The following AFF3 variants were observed in gnomAD, a reference collection of about 807,000 sequenced individuals.
The protein encoded by AFF3 is AF4/FMR2 family member 3.
Under a neutral mutation model 129.7 loss-of-function variants are expected in AFF3, and 32 were observed. The observed-to-expected ratio is 0.25, with a 90% CI of 0.19 to 0.33. AFF3 has a LOEUF of 0.33. Ranked by LOEUF, AFF3 falls within the 10% of genes least tolerant of loss-of-function variation. AFF3 has a pLI of 1.00. For missense variants in AFF3, 1,373 were observed against 1,592.0 expected, an observed-to-expected ratio of 0.86 and a Z score of 2.34; for synonymous variants, 644 against 635.4, an observed-to-expected ratio of 1.01 and a Z score of -0.20.
chr2:99,916,935 T>C (rs1214887546), intron 7 of AFF3, among the ~76,000 whole-genome samples: 1 of 152,100 alleles, frequency 6.6e-6, no homozygotes, highest in Non-Finnish European at 1.5e-5. Context: ...CTTGGTGAGC[T>C]AGGATTGCCA....
intron 7 of AFF3, among the ~76,000 whole-genome samples, chr2:99,909,394 G>A (rs1694962096): frequency 8.4e-6 from 1 of 119,294 alleles, no homozygotes; most frequent in African/African-American, 3.2e-5. Flanking sequence ...GCTAAATGAT[G>A]AGTTACTGGA....
chr2:99,878,546 T>A (rs1057400428), intron 7 of AFF3, among the ~76,000 whole-genome samples: 1 of 152,196 alleles, frequency 6.6e-6, no homozygotes, highest in Non-Finnish European at 1.5e-5. Flanking sequence ...GGGAAAAAAA[T>A]TTCAGGTTTC....
intron 8 of AFF3, among the ~76,000 whole-genome samples, chr2:99,753,343 G>A (rs192242076): frequency 6.2e-4 from 95 of 152,198 alleles, no homozygotes; most frequent in African/African-American, 1.9e-3. Flanking sequence ...CGGGTGACCC[G>A]CCCACCTTGG....
At chr2:99,756,397 C>T (rs976025380) in intron 8 of AFF3, among the ~76,000 whole-genome samples, 3 of 152,250 alleles carry the variant, frequency 2.0e-5, no homozygotes, top group Admixed American at 1.3e-4. Flanking sequence ...GTGACCCTGC[C>T]TCCTATGGCA....
intron 7 of AFF3, among the ~76,000 whole-genome samples, chr2:99,946,186 G>T (rs1049277139): frequency 6.6e-6 from 1 of 152,072 alleles, no homozygotes; most frequent in South Asian, 2.1e-4. Context: ...AAAAGATGGG[G>T]ATGGGACAGG....
intron 1 of AFF3, among the ~76,000 whole-genome samples, chr2:100,135,658 GT>G (rs1274303082): frequency 6.6e-5 from 10 of 152,220 alleles, no homozygotes; most frequent in African/African-American, 2.4e-4. Context: ...GCGGAAGGTT[GT>G]TTTGAGCCAC....
intron 12 of AFF3, among the ~76,000 whole-genome samples, chr2:99,658,829 C>T (rs1019337381): frequency 2.0e-5 from 3 of 152,050 alleles, no homozygotes; most frequent in African/African-American, 4.8e-5. Context: ...TGAACTGTGG[C>T]AGTTTCAGTG....
At chr2:99,960,711 A>G (rs1205008824) in intron 7 of AFF3, among the ~76,000 whole-genome samples, 1 of 152,260 alleles carries the variant, frequency 6.6e-6, no homozygotes, top group African/African-American at 2.4e-5. Flanking sequence ...ACTAGCTAGG[A>G]CAGGGGTCCT....
At chr2:99,922,128 T>C (rs1389534503) in intron 7 of AFF3, among the ~76,000 whole-genome samples, 1 of 152,188 alleles carries the variant, frequency 6.6e-6, no homozygotes, top group African/African-American at 2.4e-5. Flanking sequence ...TGACTAAGTA[T>C]GTAAGATGGC....
At chr2:99,965,699 T>C (rs1334512541) in intron 7 of AFF3, among the ~76,000 whole-genome samples, 1 of 152,234 alleles carries the variant, frequency 6.6e-6, no homozygotes, top group Admixed American at 6.5e-5. Flanking sequence ...TCTCAAGAGT[T>C]TGGTGGCAAA....
intron 4 of AFF3, among the ~76,000 whole-genome samples, chr2:100,033,559 C>T (rs752951214): frequency 6.6e-6 from 1 of 152,120 alleles, no homozygotes; most frequent in Non-Finnish European, 1.5e-5. Context: ...TTCTATGAAA[C>T]ACAGAGTACC....
At chr2:99,855,041 T>C (rs1392440437) in intron 7 of AFF3, among the ~76,000 whole-genome samples, 1 of 152,132 alleles carries the variant, frequency 6.6e-6, no homozygotes, top group Admixed American at 6.5e-5. Flanking sequence ...AATACAAAAT[T>C]TCTAGAAGAG....
rs180907027 is a variant in AFF3, at chr2:99,666,134, G to A, written c.1143+6404C>T. ...GAAGCAGTGGTGCAGATGTGGTATT[G>A]AGAAGTTTAGGTTTCTCTGCTAGAA... On this transcript the variant is annotated intron_variant, in intron 12 of 24. Coordinates refer to ENST00000672756, the MANE Select transcript of AFF3 (RefSeq NM_001386135.1). Among the ~76,000 whole-genome samples, 782 of 152,280 alleles carry A rather than the reference G, an allele frequency of 5.1e-3. 7 individuals are homozygous for A. The highest frequency in any genetic ancestry group is 0.017 in the African/African-American group (717 of 41,558).
chr2:99,606,352 G>A (rs1680331262), intron 13 of AFF3, among the ~76,000 whole-genome samples: 1 of 152,114 alleles, frequency 6.6e-6, no homozygotes, highest in Non-Finnish European at 1.5e-5. Context: ...TTTTTAGCAT[G>A]CTACCTACCA....
At chr2:99,601,755 G>T in intron 13 of AFF3, 134 bp from the exon 14 acceptor site, 2 of 1,064,498 alleles carry the variant, frequency 1.9e-6, no homozygotes, top group Non-Finnish European at 2.6e-6. Flanking sequence ...ACCATGACCT[G>T]GAACTCAAAG....
At chr2:99,996,049 C>A (rs1474278131) in intron 7 of AFF3, among the ~76,000 whole-genome samples, 1 of 152,022 alleles carries the variant, frequency 6.6e-6, no homozygotes, top group Non-Finnish European at 1.5e-5. Context: ...TCACTCATTG[C>A]AGAATAATTT....
chr2:99,783,866 C>T (rs926718909), intron 8 of AFF3, among the ~76,000 whole-genome samples: 1 of 152,234 alleles, frequency 6.6e-6, no homozygotes, highest in African/African-American at 2.4e-5. Context: ...TCTCCTATAC[C>T]TGACTTGAGC....
chr2:99,722,366 T>G (rs561419284), intron 11 of AFF3, among the ~76,000 whole-genome samples: 3 of 152,344 alleles, frequency 2.0e-5, no homozygotes, highest in African/African-American at 7.2e-5. Context: ...TCTCTTCTTT[T>G]AAACAATGTT....
intron 2 of AFF3, among the ~76,000 whole-genome samples, chr2:100,110,907 A>G (rs751193186): frequency 6.6e-6 from 1 of 152,224 alleles, no homozygotes; most frequent in Non-Finnish European, 1.5e-5. Context: ...GTTCTGGCCA[A>G]TAAGACACCC....
Sources: gnomAD v4.1 joint callset for allele counts (sites outside exome capture counted in the v4.1 genomes callset) on GRCh38, gnomAD v4.1.1 for gene constraint, MANE v1.5 for transcripts, NCBI Gene and HGNC (gene_info 2026-07-23, HGNC 2026-07-21) for gene names.